RHPN2: variants seen among roughly 807,000 people sequenced by gnomAD.
RHPN2 encodes the protein rhophilin-2.
Under a neutral mutation model 79.0 loss-of-function variants are expected in RHPN2, and 40 were observed. The ratio of observed to expected loss-of-function variants is 0.51; its 90% CI spans 0.39 to 0.66. The LOEUF (loss-of-function observed/expected upper bound fraction) is 0.66, where lower values mean the gene tolerates loss of function less well. Among genes scored for constraint, RHPN2 ranks in the 30% least tolerant of loss-of-function variants. The pLI, the probability that RHPN2 is intolerant of heterozygous loss-of-function variation, is 0.00. For synonymous variants in RHPN2, 285 were observed against 363.5 expected, an observed-to-expected ratio of 0.78 and a Z score of 2.46; for missense variants, 686 against 883.5, an observed-to-expected ratio of 0.78 and a Z score of 2.83.
intron 1 of RHPN2, among the ~76,000 whole-genome samples, chr19:33,050,394 T>C (rs1049541444): frequency 2.6e-5 from 4 of 152,212 alleles, no homozygotes; most frequent in African/African-American, 4.8e-5. Flanking sequence ...TGAATTGAGA[T>C]ACAATTTATA....
At chr19:33,052,312 C>G (rs1348961443) in intron 1 of RHPN2, among the ~76,000 whole-genome samples, 3 of 152,110 alleles carry the variant, frequency 2.0e-5, no homozygotes, top group Non-Finnish European at 4.4e-5. Flanking sequence ...ATAAAGCTCA[C>G]ACATGCAGAG....
At chr19:33,007,410 C>T (rs1459326441) in intron 7 of RHPN2, among the ~76,000 whole-genome samples, 2 of 151,972 alleles carry the variant, frequency 1.3e-5, no homozygotes, top group African/African-American at 2.4e-5. Flanking sequence ...TTGCTTGAAA[C>T]CAGGAGGTGG....
At chr19:33,044,547 C>T (rs1037010226) in intron 1 of RHPN2, among the ~76,000 whole-genome samples, 183 bp from the exon 2 acceptor site, 1 of 152,152 alleles carries the variant, frequency 6.6e-6, no homozygotes, top group African/African-American at 2.4e-5. Flanking sequence ...AAAACAGCCA[C>T]TGTGAATTGG....
intron 2 of RHPN2, among the ~76,000 whole-genome samples, chr19:33,041,653 G>C (rs113664335): frequency 6.6e-6 from 1 of 152,270 alleles, no homozygotes; most frequent in South Asian, 2.1e-4. Flanking sequence ...GCCTGAGAAA[G>C]TCCAAGTTCC....
intron 1 of RHPN2, chr19:33,051,663 A>C (rs1460646380): frequency 5.0e-6 from 1 of 199,688 alleles, no homozygotes; most frequent in Non-Finnish European, 1.1e-5. Flanking sequence ...CAGACAGATC[A>C]CAGCTACAGT....
In RHPN2 at chr19:33,054,837, GC is replaced by G. The variant is rs373204987; in HGVS notation, c.69+9946del. Among the ~76,000 whole-genome samples the G allele has an allele frequency of 2.8e-3, 434 of 152,314 alleles. 4 individuals are homozygous for G. The highest frequency in any genetic ancestry group is 1.0e-2 in the African/African-American group (414 of 41,584). ...TGGTGTCGTGGCAACCATCCAAATG[GC>G]CCCAGGAAACAAGGGACATTTACAG... On this transcript the variant is annotated intron_variant, in intron 1 of 14. Transcript: ENST00000254260.
At chr19:33,057,244 G>C (rs1305541696) in intron 1 of RHPN2, among the ~76,000 whole-genome samples, 1 of 152,114 alleles carries the variant, frequency 6.6e-6, no homozygotes, top group African/African-American at 2.4e-5. Context: ...TCAGGAGGCT[G>C]AGACAGGAGG....
chr19:33,050,059 A>G (rs1217936950), intron 1 of RHPN2, among the ~76,000 whole-genome samples: 2 of 152,280 alleles, frequency 1.3e-5, no homozygotes, highest in African/African-American at 4.8e-5. Context: ...TGCTCCCCCA[A>G]CATCCTTTCC....
chr19:33,037,273 C>A (rs1972066028), intron 2 of RHPN2, among the ~76,000 whole-genome samples: 1 of 152,002 alleles, frequency 6.6e-6, no homozygotes, highest in Admixed American at 6.6e-5. Context: ...CTGTATCTAG[C>A]TCATCTGGTG....
rs199630139 is a variant in RHPN2 at position 32,999,598 on chromosome 19, G to C, written c.1213C>G (p.Arg405Gly). The change falls in exon 10 of 15, where the codon CGC becomes GGC. Residue 405 changes from arginine (R) to glycine (G), a missense_variant. Arg to Gly is a moderately radical substitution (Grantham distance 125). Coordinates refer to ENST00000254260, the MANE Select transcript of RHPN2 (RefSeq NM_033103.5). ...PLATLKNDQQ[R>G]RQLGKSHLRR... ...GGGGGACACGCACCCAGCTGTCGGC[G>C]CTGCTGATCATTCTTCAGTGTGGCC... The C allele has an allele frequency of 6.2e-7, 1 of 1,611,856 alleles. No individual in the cohort carries two copies.
chr19:33,060,872 A>C (rs1306594552), intron 1 of RHPN2, among the ~76,000 whole-genome samples: 1 of 152,172 alleles, frequency 6.6e-6, no homozygotes, highest in Non-Finnish European at 1.5e-5. Context: ...AGTCCGTAAA[A>C]GAGAAGGAAG....
At chr19:33,002,524 A>T (rs1398633131) in intron 8 of RHPN2, 121 bp from the exon 9 acceptor site, 2 of 1,216,094 alleles carry the variant, frequency 1.6e-6, no homozygotes, top group Non-Finnish European at 2.4e-6. Flanking sequence ...CTGCTCCAGA[A>T]TCTGGGAGCA....
intron 2 of RHPN2, among the ~76,000 whole-genome samples, chr19:33,028,619 G>C (rs1238332789): frequency 6.6e-6 from 1 of 152,118 alleles, no homozygotes; most frequent in Non-Finnish European, 1.5e-5. Flanking sequence ...TAAAAGAAGA[G>C]CTATTCTATG....
At chr19:32,988,297 T>C (rs778630858) in intron 14 of RHPN2, among the ~76,000 whole-genome samples, 13 of 151,808 alleles carry the variant, frequency 8.6e-5, no homozygotes, top group Non-Finnish European at 1.3e-4. Context: ...ATGAGATTGA[T>C]CAAGCCAAAA....
At chr19:33,009,978 C>T (rs1233044107) in intron 6 of RHPN2, among the ~76,000 whole-genome samples, 2 of 151,272 alleles carry the variant, frequency 1.3e-5, no homozygotes, top group Non-Finnish European at 2.9e-5. Context: ...AGGGTTTCGC[C>T]GTGTTGGTCA....
intron 4 of RHPN2, among the ~76,000 whole-genome samples, chr19:33,021,165 C>A (rs879570654): frequency 1.3e-5 from 2 of 152,154 alleles, no homozygotes; most frequent in African/African-American, 2.4e-5. Context: ...GGGTTTCCAA[C>A]CTGCCTTGTC....
intron 14 of RHPN2, 38 bp from the exon 15 acceptor site, chr19:32,980,294 C>T (rs778961711): frequency 3.1e-6 from 5 of 1,613,472 alleles, no homozygotes. Context: ...CGTCAGGCAT[C>T]ATCAAGATAG....
intron 3 of RHPN2, among the ~76,000 whole-genome samples, chr19:33,025,727 C>T (rs1026420360): frequency 1.7e-4 from 26 of 152,164 alleles, no homozygotes; most frequent in African/African-American, 6.3e-4. Flanking sequence ...AATAATTAGC[C>T]AACATTGGAA....
chr19:33,044,310 C>G lies in RHPN2; in HGVS notation c.124G>C (p.Ala42Pro). ...GRSKLQNQRAALNQQILKAVR... is the reference protein window; with the variant it reads ...GRSKLQNQRAPLNQQILKAVR... Reference sequence around the variant, plus strand: ...GCTTTCAGGATCTGCTGATTCAAAGCAGCTCTTTGATTCTGCAATTTACTC... The same window carrying G: ...GCTTTCAGGATCTGCTGATTCAAAGGAGCTCTTTGATTCTGCAATTTACTC... The change falls in exon 2 of 15, where the codon GCT becomes CCT. Residue 42 changes from alanine (A) to proline (P), a missense_variant. By Grantham distance (27) the Ala-to-Pro change is conservative. Coordinates refer to ENST00000254260, the MANE Select transcript of RHPN2 (RefSeq NM_033103.5). The G allele has an allele frequency of 6.2e-7, 1 of 1,614,128 alleles. No homozygotes were observed. Among genetic ancestry groups the G allele is most frequent in the Admixed American group, 1.7e-5 (1 of 59,988 alleles).
Sources: allele counts gnomAD v4.1 joint callset (sites outside exome capture counted in the v4.1 genomes callset), GRCh38; gene constraint gnomAD v4.1.1; transcripts MANE v1.5; gene names NCBI Gene and HGNC (gene_info 2026-07-23, HGNC 2026-07-21).